The following HDAC4 variants were observed in gnomAD, a reference collection of about 807,000 sequenced individuals.
HDAC4 encodes histone deacetylase 4.
HDAC4 carries 16 observed loss-of-function variants against 135.1 expected under a neutral mutation model. The observed-to-expected ratio is 0.12, with a 90% CI of 0.08 to 0.18. The LOEUF (loss-of-function observed/expected upper bound fraction) is 0.18. Among genes scored for constraint, HDAC4 ranks in the 10% least tolerant of loss-of-function variants. The pLI is 1.00. For missense variants in HDAC4, 1,143 were observed against 1,511.8 expected (o/e 0.76, Z 4.05); for synonymous variants, 685 against 653.4 (o/e 1.05, Z -0.74).
At position 239,167,632 on chromosome 2, in the gene HDAC4, C is replaced by A. The variant is rs1305424010; in HGVS notation, c.491-3709G>T. ...CCGTTTCTGCACTTCTGGTTATGCA[C>A]ACGCTCATCTGTCAACAGGTTTCTC... On this transcript the variant is annotated intron_variant, in intron 5 of 26. Coordinates refer to ENST00000543185, the MANE Select transcript of HDAC4 (RefSeq NM_001378414.1). This position sits in a 1 kb window ranked among gnomAD's most constrained non-coding sequence, Gnocchi z 4.1. Among the ~76,000 whole-genome samples the A allele has an allele frequency of 1.3e-5, 2 of 152,174 alleles. No individual in the cohort carries two copies. Among genetic ancestry groups the A allele is most frequent in the African/African-American group, 4.8e-5 (2 of 41,410 alleles).
At chr2:239,114,956 G>A (rs2039000846) in intron 13 of HDAC4, 97 bp downstream of exon 13, 2 of 1,429,158 alleles carry the variant, frequency 1.4e-6, no homozygotes, top group Non-Finnish European at 9.6e-7. Flanking sequence ...GCGCAAGGAT[G>A]CCCTGCAGCC....
intron 1 of HDAC4, among the ~76,000 whole-genome samples, chr2:239,370,545 C>T (rs1379195690): frequency 6.6e-6 from 1 of 152,226 alleles, no homozygotes; most frequent in Non-Finnish European, 1.5e-5. Flanking sequence ...CCCTGCCTTG[C>T]CAGCCCTGGG....
intron 1 of HDAC4, among the ~76,000 whole-genome samples, chr2:239,391,183 C>T (rs927236107): frequency 1.8e-4 from 27 of 152,218 alleles, no homozygotes; most frequent in African/African-American, 6.3e-4. Flanking sequence ...GACGCTGGCC[C>T]TTCAGGTCCC....
chr2:239,363,035 T>G (rs1693958395), intron 1 of HDAC4, among the ~76,000 whole-genome samples: 1 of 152,138 alleles, frequency 6.6e-6, no homozygotes, highest in Admixed American at 6.5e-5. Context: ...CAAAATAAGC[T>G]TTGAAAACAA....
At chr2:239,321,241 G>A (rs766458747) in intron 2 of HDAC4, among the ~76,000 whole-genome samples, 23 of 152,074 alleles carry the variant, frequency 1.5e-4, no homozygotes, top group Admixed American at 7.2e-4. Context: ...GAAGGTGGGC[G>A]GATCACGAGG....
intron 3 of HDAC4, among the ~76,000 whole-genome samples, chr2:239,200,312 G>T (rs940855163): frequency 6.6e-6 from 1 of 152,178 alleles, no homozygotes; most frequent in Non-Finnish European, 1.5e-5. Context: ...TGACTTACAT[G>T]TGATGTCATT....
At chr2:239,258,496 T>C (rs966001655) in intron 2 of HDAC4, among the ~76,000 whole-genome samples, 4 of 152,164 alleles carry the variant, frequency 2.6e-5, no homozygotes, top group African/African-American at 9.7e-5. Flanking sequence ...AAAACAGTAA[T>C]ATCTTTCACA....
At chr2:239,269,141 T>C (rs2049910363) in intron 2 of HDAC4, among the ~76,000 whole-genome samples, 1 of 151,798 alleles carries the variant, frequency 6.6e-6, no homozygotes, top group Non-Finnish European at 1.5e-5. Flanking sequence ...ATTCATTATC[T>C]ACATACATTC....
chr2:239,091,017 T>C (rs912079159), intron 17 of HDAC4: 4 of 152,200 alleles, frequency 2.6e-5, no homozygotes, highest in Non-Finnish European at 4.4e-5. Flanking sequence ...TCTGCCCTAG[T>C]GACGGTACAC....
chr2:239,249,539 A>G (rs996873362), intron 2 of HDAC4, among the ~76,000 whole-genome samples: 1 of 152,200 alleles, frequency 6.6e-6, no homozygotes, highest in Non-Finnish European at 1.5e-5. Context: ...AAGAGCAAAC[A>G]GTACGTCTAA....
rs67188784 is a variant in HDAC4 at position 239,075,223 on chromosome 2, CAAAAAAAAAAAAAAAA to C, written c.2750+5856_2750+5871del. On this transcript the variant is annotated intron_variant, in intron 22 of 26. Coordinates refer to ENST00000543185, the MANE Select transcript of HDAC4 (RefSeq NM_001378414.1). ...TGGGCGACAGAATGAGACTCCGTCT[CAAAAAAAAAAAAAAAA>C]AAAAAAAAAAAAAGAACTCAGTCTC... Among the ~76,000 whole-genome samples, 9 of 31,784 alleles carry C rather than the reference CAAAAAAAAAAAAAAAA, an allele frequency of 2.8e-4. No homozygotes were observed. The East Asian group carries it at 4.5e-3, about 16-fold the overall frequency. The allele number at this position is 31,784 out of a possible 152,430, so 20.9% of individuals were successfully genotyped here.
intron 2 of HDAC4, among the ~76,000 whole-genome samples, chr2:239,250,858 G>C (rs898813161): frequency 6.6e-6 from 1 of 152,228 alleles, no homozygotes; most frequent in East Asian, 1.9e-4. Context: ...AGCTGCCAGA[G>C]ATGGGACTCG....
chr2:239,050,909 G>A lies in HDAC4; in HGVS notation c.*2188C>T, dbSNP rs1346145527. ...GGTTCACCAGGCAACAAGGGTCCCT[G>A]GGTTCCTTGCAGCCACAGGCTCCAA... is the stretch of plus-strand genomic sequence containing the variant. On this transcript the variant is annotated 3_prime_UTR_variant, in exon 27 of 27. Coordinates refer to ENST00000543185, the MANE Select transcript of HDAC4 (RefSeq NM_001378414.1). 4 of 152,602 alleles carry A rather than the reference G, an allele frequency of 2.6e-5. No homozygotes were observed. The highest frequency in any genetic ancestry group is 1.3e-4 in the Admixed American group (2 of 15,284). The allele number at this position is 152,602 out of a possible 1,614,324, so 9.5% of individuals were successfully genotyped here.
chr2:239,242,834 A>G (rs2048264285), intron 2 of HDAC4, among the ~76,000 whole-genome samples: 1 of 151,980 alleles, frequency 6.6e-6, no homozygotes, highest in Non-Finnish European at 1.5e-5. Flanking sequence ...ACATATTTTT[A>G]AATCACATGT....
chr2:239,194,166 G>A (rs1048659514), intron 3 of HDAC4, among the ~76,000 whole-genome samples: 8 of 152,266 alleles, frequency 5.3e-5, no homozygotes, highest in South Asian at 4.1e-4. Flanking sequence ...GACAGGCAGC[G>A]CCCTCTGAAG....
rs2152809886 is a variant in HDAC4 at position 239,115,209 on chromosome 2, G to A, written c.1635C>T (p.Tyr545=). The A allele has an allele frequency of 6.2e-7, 1 of 1,611,982 alleles. No homozygotes were observed. The highest frequency in any genetic ancestry group is 1.1e-5 in the South Asian group (1 of 91,060). Residue 545 remains tyrosine, a synonymous_variant, in exon 13 of 27, where the codon TAC becomes TAT. Coordinates refer to ENST00000543185, the MANE Select transcript of HDAC4 (RefSeq NM_001378414.1). This position sits in a 1 kb window ranked among gnomAD's most constrained non-coding sequence, Gnocchi z 6.3. ...CCTTCTGCCCCGGCAGCCGGTCCAG[G>A]TAGGGCTCGTCCAGCAGAGCCTGGT... ...REHQALLDEP[Y]LDRLPGQKEA...
intron 2 of HDAC4, among the ~76,000 whole-genome samples, chr2:239,301,243 G>C (rs922295097): frequency 1.3e-5 from 2 of 152,126 alleles, no homozygotes; most frequent in African/African-American, 2.4e-5. Flanking sequence ...TTCTAAAGTC[G>C]GTCTCCCATC....
At chr2:239,215,304 G>C (rs1444205855) in intron 3 of HDAC4, among the ~76,000 whole-genome samples, 1 of 152,192 alleles carries the variant, frequency 6.6e-6, no homozygotes, top group Non-Finnish European at 1.5e-5. Context: ...GTCAACACTG[G>C]TGAGAGGCCA....
chr2:239,350,827 C>T (rs746807076), intron 2 of HDAC4, among the ~76,000 whole-genome samples: 1 of 152,164 alleles, frequency 6.6e-6, no homozygotes, highest in Admixed American at 6.5e-5. Flanking sequence ...AATATTGATA[C>T]ATACATACAG....
Sources: allele counts gnomAD v4.1 joint callset (sites outside exome capture counted in the v4.1 genomes callset), GRCh38; gene constraint gnomAD v4.1.1; non-coding constraint Gnocchi (gnomAD v3.1); transcripts MANE v1.5; gene names NCBI Gene and HGNC (gene_info 2026-07-23, HGNC 2026-07-21).